The following CCSER1 variants were observed in gnomAD, a reference collection of about 807,000 sequenced individuals.
CCSER1 encodes the protein serine-rich coiled-coil domain-containing protein 1.
CCSER1 carries 41 observed loss-of-function variants against 82.0 expected under a neutral mutation model. That is an observed-to-expected ratio of 0.50 (90% CI 0.39 to 0.65). The LOEUF is 0.65. CCSER1 is among the 30% of genes least tolerant of loss of function. The pLI is 0.00. For synonymous variants in CCSER1, 414 were observed against 383.9 expected, an observed-to-expected ratio of 1.08 and a Z score of -0.92; for missense variants, 1,119 against 1,064.2, an observed-to-expected ratio of 1.05 and a Z score of -0.72.
intron 6 of CCSER1, among the ~76,000 whole-genome samples, chr4:90,636,123 C>T (rs184096705): frequency 1.2e-3 from 189 of 151,974 alleles, no homozygotes; most frequent in African/African-American, 4.4e-3. Context: ...GGAATAATCA[C>T]TACAAATCCT....
At chr4:90,602,363 A>G (rs1387632729) in intron 5 of CCSER1, among the ~76,000 whole-genome samples, 1 of 151,904 alleles carries the variant, frequency 6.6e-6, no homozygotes, top group Non-Finnish European at 1.5e-5. Context: ...ATTATATATC[A>G]CCTTTCATTA....
At chr4:90,913,231 C>A (rs1159971248) in intron 8 of CCSER1, among the ~76,000 whole-genome samples, 2 of 152,092 alleles carry the variant, frequency 1.3e-5, no homozygotes, top group East Asian at 1.9e-4. Flanking sequence ...ATGTTAAGGG[C>A]AGCCAGAGAG....
intron 10 of CCSER1, among the ~76,000 whole-genome samples, chr4:91,481,631 C>G (rs888750024): frequency 6.6e-6 from 1 of 152,168 alleles, no homozygotes; most frequent in African/African-American, 2.4e-5. Flanking sequence ...TTGGGCAACA[C>G]TCTACAAATG....
intron 8 of CCSER1, among the ~76,000 whole-genome samples, chr4:90,915,255 A>G (rs28888168): frequency 0.018 from 2,751 of 152,278 alleles, 68 homozygotes; most frequent in African/African-American, 0.059. Context: ...ACATTGATGC[A>G]AAAATCCTCA....
At chr4:90,781,846 T>C in intron 7 of CCSER1, 1 of 945,414 alleles carries the variant, frequency 1.1e-6, no homozygotes, top group Non-Finnish European at 1.3e-6. Context: ...CTATTTGTGT[T>C]TTCTATTTCA....
At chr4:91,098,049 T>C (rs951069470) in intron 10 of CCSER1, among the ~76,000 whole-genome samples, 1 of 152,164 alleles carries the variant, frequency 6.6e-6, no homozygotes, top group Admixed American at 6.5e-5. Context: ...AAAAGGCAGA[T>C]TGAAAATCAA....
At chr4:90,655,296 T>G (rs910321641) in intron 6 of CCSER1, among the ~76,000 whole-genome samples, 11 of 152,002 alleles carry the variant, frequency 7.2e-5, no homozygotes, top group Non-Finnish European at 1.2e-4. Context: ...TCCTCCTGGT[T>G]TGATGAAGTA....
At chr4:90,169,962 C>T (rs1731315709) in intron 1 of CCSER1, among the ~76,000 whole-genome samples, 1 of 151,884 alleles carries the variant, frequency 6.6e-6, no homozygotes, top group Non-Finnish European at 1.5e-5. Flanking sequence ...TCCCCATCCT[C>T]CCTTTTCTAT....
chr4:90,446,294 A>C (rs758962726), intron 4 of CCSER1, among the ~76,000 whole-genome samples: 1 of 152,160 alleles, frequency 6.6e-6, no homozygotes, highest in Non-Finnish European at 1.5e-5. Context: ...GAGATAATTG[A>C]ATATTTTATT....
intron 10 of CCSER1, among the ~76,000 whole-genome samples, chr4:91,525,209 C>T (rs1760713012): frequency 6.6e-6 from 1 of 151,926 alleles, no homozygotes; most frequent in African/African-American, 2.4e-5. Context: ...CAAAGGAAGT[C>T]TAAGAGGGGA....
At chr4:91,276,414 T>A (rs566446958) in intron 10 of CCSER1, among the ~76,000 whole-genome samples, 2 of 151,520 alleles carry the variant, frequency 1.3e-5, no homozygotes, top group African/African-American at 4.8e-5. Flanking sequence ...TATTGAAAAA[T>A]GAGATTACCT....
At position 90,302,804 on chromosome 4, in the gene CCSER1, AAAAACAAAAC is replaced by A. The variant is rs568160665; in HGVS notation, c.-41-5420_-41-5411del. ...GGTGACAGAGCAAGACCTTGTCTCC[AAAAACAAAAC>A]AAAACAAAACAAAACAAAAAGGAAG... On this transcript the variant is annotated intron_variant, in intron 1 of 10. Coordinates refer to ENST00000509176, the MANE Select transcript of CCSER1 (RefSeq NM_001145065.2). Among the ~76,000 whole-genome samples, 30 of 151,778 alleles carry A rather than the reference AAAAACAAAAC, an allele frequency of 2.0e-4. No homozygotes were observed. The East Asian group carries it at 4.6e-3, about 23-fold the overall frequency.
At chr4:91,277,429 G>C (rs571453510) in intron 10 of CCSER1, among the ~76,000 whole-genome samples, 1 of 150,206 alleles carries the variant, frequency 6.7e-6, no homozygotes, top group African/African-American at 2.4e-5. Context: ...ATGTGTCCTG[G>C]TATTTATCCA....
At chr4:90,422,847 A>G (rs1756908365) in intron 4 of CCSER1, among the ~76,000 whole-genome samples, 1 of 151,984 alleles carries the variant, frequency 6.6e-6, no homozygotes, top group Non-Finnish European at 1.5e-5. Context: ...AAATATTTTC[A>G]AACTTTGTCC....
At chr4:91,260,373 T>C (rs1741012766) in intron 10 of CCSER1, among the ~76,000 whole-genome samples, 1 of 152,216 alleles carries the variant, frequency 6.6e-6, no homozygotes, top group African/African-American at 2.4e-5. Flanking sequence ...TCTACCTCAC[T>C]GGAATTAATC....
intron 4 of CCSER1, among the ~76,000 whole-genome samples, chr4:90,414,080 G>A (rs2153557333): frequency 7.1e-6 from 1 of 141,618 alleles, no homozygotes; most frequent in South Asian, 2.3e-4. Context: ...TGCAGTAAGT[G>A]GATATTATTA....
intron 3 of CCSER1, among the ~76,000 whole-genome samples, chr4:90,380,465 T>C (rs559087231): frequency 6.6e-6 from 1 of 152,330 alleles, no homozygotes; most frequent in Non-Finnish European, 1.5e-5. Context: ...TTCATATACT[T>C]TTCCATTCAC....
intron 10 of CCSER1, among the ~76,000 whole-genome samples, chr4:91,454,341 C>T (rs1006825674): frequency 2.0e-5 from 3 of 151,958 alleles, no homozygotes; most frequent in South Asian, 4.1e-4. Context: ...ATTTTGTGCT[C>T]GTGACCCCTT....
intron 10 of CCSER1, among the ~76,000 whole-genome samples, chr4:91,411,747 A>G: frequency 1.9e-5 from 1 of 53,994 alleles, no homozygotes; most frequent in South Asian, 5.7e-4. Flanking sequence ...AGCTAGTGGC[A>G]CAAAAAAAAA....
Sources: allele counts gnomAD v4.1 joint callset (sites outside exome capture counted in the v4.1 genomes callset), GRCh38; gene constraint gnomAD v4.1.1; transcripts MANE v1.5; gene names NCBI Gene and HGNC (gene_info 2026-07-23, HGNC 2026-07-21).